EPM2A: variants seen among roughly 807,000 people sequenced by gnomAD.
EPM2A encodes the protein laforin.
EPM2A carries 21 observed loss-of-function variants against 26.5 expected under a neutral mutation model. That is an observed-to-expected ratio of 0.79 (90% confidence interval 0.56 to 1.14). The LOEUF (loss-of-function observed/expected upper bound fraction) is 1.14. Among genes scored for constraint, EPM2A ranks in the 50% most tolerant of loss-of-function variants. The probability of loss-of-function intolerance (pLI) is 0.00; values close to 1 mark genes in which losing one functional copy is unlikely to be tolerated. For synonymous variants in EPM2A, 217 were observed against 177.6 expected, an observed-to-expected ratio of 1.22 and a Z score of -1.76; for missense variants, 458 against 440.8, an observed-to-expected ratio of 1.04 and a Z score of -0.35.
intron 1 of EPM2A, among the ~76,000 whole-genome samples, chr6:145,694,122 T>C (rs551461614): frequency 3.7e-4 from 56 of 152,028 alleles, no homozygotes; most frequent in African/African-American, 1.2e-3. Flanking sequence ...AATTTTACAA[T>C]TATTATTCAT....
intron 2 of EPM2A, among the ~76,000 whole-genome samples, chr6:145,680,605 T>C (rs1021545995): frequency 4.0e-5 from 6 of 151,128 alleles, no homozygotes; most frequent in Non-Finnish European, 7.4e-5. Context: ...TGTGTTCTCA[T>C]TGTTCAATTC....
At chr6:145,693,005 G>C (rs1316329919) in intron 1 of EPM2A, among the ~76,000 whole-genome samples, 1 of 152,020 alleles carries the variant, frequency 6.6e-6, no homozygotes, top group Non-Finnish European at 1.5e-5. Flanking sequence ...TCTTTGGGTA[G>C]TATGGCCACT....
At position 145,719,109 on chromosome 6, in the gene EPM2A, A is replaced by C. The variant is rs557831300; in HGVS notation, c.301+16089T>G. Reference sequence around the variant, plus strand: ...ACTAGAAATACCATTTGACCCAGCCATCCCATTACTGGGTATATACCCAAA... The same window carrying C: ...ACTAGAAATACCATTTGACCCAGCCCTCCCATTACTGGGTATATACCCAAA... On this transcript the variant is annotated intron_variant, in intron 1 of 3. Coordinates refer to ENST00000367519, the MANE Select transcript of EPM2A (RefSeq NM_005670.4). 3.0e-3 allele frequency among the ~76,000 whole-genome samples: 459 copies of C among 152,240 alleles called. 3 individuals are homozygous for C. The highest frequency in any genetic ancestry group is 0.01 in the African/African-American group (436 of 41,528).
chr6:145,440,647 C>T (rs962172141), intron 4 of EPM2A, among the ~76,000 whole-genome samples: 1 of 152,198 alleles, frequency 6.6e-6, no homozygotes, highest in Non-Finnish European at 1.5e-5. Flanking sequence ...TGGTTAAATA[C>T]AACCATTCCA....
chr6:145,630,139 T>C (rs927781156), intron 3 of EPM2A: 37 of 152,182 alleles, frequency 2.4e-4, no homozygotes, highest in African/African-American at 8.9e-4. Flanking sequence ...GGTTCTGTGA[T>C]CTCAGGCACA....
At chr6:145,541,501 A>T (rs1780510873) in intron 2 of EPM2A, among the ~76,000 whole-genome samples, 1 of 152,070 alleles carries the variant, frequency 6.6e-6, no homozygotes, top group South Asian at 2.1e-4. Context: ...GTTCAACTTT[A>T]AAAAAATTAA....
intron 4 of EPM2A, among the ~76,000 whole-genome samples, chr6:145,392,307 C>A (rs1436767836): frequency 1.3e-5 from 2 of 152,116 alleles, no homozygotes; most frequent in South Asian, 2.1e-4. Context: ...TCAAAGGAGA[C>A]AAATTCAAGG....
chr6:145,677,938 C>A (rs181099692), intron 2 of EPM2A, among the ~76,000 whole-genome samples: 89 of 152,246 alleles, frequency 5.8e-4, no homozygotes, highest in African/African-American at 2.0e-3. Flanking sequence ...CTTTGAAGTT[C>A]ATATGGAACC....
At chr6:145,387,250 C>T (rs1186743879) in intron 4 of EPM2A, among the ~76,000 whole-genome samples, 1 of 152,166 alleles carries the variant, frequency 6.6e-6, no homozygotes, top group East Asian at 1.9e-4. Flanking sequence ...CGCCTACACA[C>T]TGAGACAAAG....
At chr6:145,655,700 C>A (rs187435433) in intron 2 of EPM2A, among the ~76,000 whole-genome samples, 27 of 151,792 alleles carry the variant, frequency 1.8e-4, no homozygotes, top group Non-Finnish European at 3.5e-4. Flanking sequence ...TCAGGGATTG[C>A]CATAGATAAA....
intron 2 of EPM2A, among the ~76,000 whole-genome samples, chr6:145,514,540 G>A (rs773804176): frequency 2.0e-5 from 3 of 152,126 alleles, no homozygotes; most frequent in Non-Finnish European, 4.4e-5. Flanking sequence ...AGATAGATGT[G>A]TTTTTAGATA....
chr6:145,527,074 T>G (rs1206852359), intron 2 of EPM2A, among the ~76,000 whole-genome samples: 1 of 152,144 alleles, frequency 6.6e-6, no homozygotes, highest in Non-Finnish European at 1.5e-5. Context: ...GTTGTTTAAT[T>G]TCCATGTATT....
intron 2 of EPM2A, among the ~76,000 whole-genome samples, chr6:145,683,578 A>G (rs888075133): frequency 3.3e-5 from 5 of 152,082 alleles, no homozygotes; most frequent in African/African-American, 4.8e-5. Context: ...ACTAAGGTTC[A>G]CTCTCACCTG....
rs117205326 is a variant in EPM2A, at chr6:145,462,033, G to A, written c.555+40489C>T. ...CCAGTTCTGCTCCTTACCAGCTGTG[G>A]GACCATGGGCAAATTCCTAAACATC... On this transcript the variant is annotated intron_variant, in intron 4 of 4. Transcript: ENST00000638717. 2.0e-4 allele frequency among the ~76,000 whole-genome samples: 30 copies of A among 152,264 alleles called. No homozygotes were observed. The East Asian group carries it at 2.5e-3, about 13-fold the overall frequency.
chr6:145,571,674 G>T (rs1454423945), intron 2 of EPM2A, among the ~76,000 whole-genome samples: 4 of 152,154 alleles, frequency 2.6e-5, no homozygotes, highest in Non-Finnish European at 5.9e-5. Flanking sequence ...CTCTGCTGCT[G>T]GCAAATCGGG....
chr6:145,641,915 C>T (rs1035105955), intron 2 of EPM2A, among the ~76,000 whole-genome samples: 17 of 152,088 alleles, frequency 1.1e-4, no homozygotes, highest in Admixed American at 5.2e-4. Flanking sequence ...AGTCCTGGGT[C>T]CTCTTACATG....
chr6:145,574,286 C>T (rs1240103780), intron 2 of EPM2A, among the ~76,000 whole-genome samples: 1 of 152,062 alleles, frequency 6.6e-6, no homozygotes, highest in African/African-American at 2.4e-5. Flanking sequence ...CTAAGAACAC[C>T]ATGATTAATT....
At chr6:145,492,822 A>T in intron 4 of EPM2A, among the ~76,000 whole-genome samples, 1 of 152,016 alleles carries the variant, frequency 6.6e-6, no homozygotes, top group Non-Finnish European at 1.5e-5. Context: ...CTCTCTGCTG[A>T]TGGAGCTGGG....
rs540547990 is a variant in EPM2A at position 145,529,779 on chromosome 6, T to C, written c.341-27204A>G. On this transcript the variant is annotated intron_variant, in intron 2 of 3. Coordinates refer to the EPM2A transcript ENST00000450221. ...CACAGCATTGATACTGCTCAGGCCA[T>C]TCAAGCTTAGGCTCCAGGCTCAGTA... Among the ~76,000 whole-genome samples the C allele has an allele frequency of 6.6e-5, 10 of 152,282 alleles. No homozygotes were observed. The South Asian group carries it at 1.7e-3, about 25-fold the overall frequency.
Sources: gnomAD v4.1 joint callset for allele counts (sites outside exome capture counted in the v4.1 genomes callset) on GRCh38, gnomAD v4.1.1 for gene constraint, MANE v1.5 for transcripts, NCBI Gene and HGNC (gene_info 2026-07-23, HGNC 2026-07-21) for gene names.